Variants in PHLPP1 observed in about 807,000 individuals in gnomAD.
PHLPP1 encodes PH domain and leucine rich repeat protein phosphatase 1.
In PHLPP1, 42 loss-of-function variants were observed where a neutral mutation model predicts 117.2. The observed-to-expected ratio is 0.36, with a 90% confidence interval of 0.28 to 0.46. The LOEUF (loss-of-function observed/expected upper bound fraction) is 0.46. Among genes scored for constraint, PHLPP1 ranks in the 20% least tolerant of loss-of-function variants. The probability of loss-of-function intolerance (pLI) is 1.00; values close to 1 mark genes in which losing one functional copy is unlikely to be tolerated. For synonymous variants in PHLPP1, 1,042 were observed against 970.7 expected (o/e 1.07, Z -1.37); for missense variants, 2,084 against 2,241.9 (o/e 0.93, Z 1.42).
At chr18:62,913,240 G>A (rs1397617329) in intron 8 of PHLPP1, among the ~76,000 whole-genome samples, 4 of 151,702 alleles carry the variant, frequency 2.6e-5, no homozygotes, top group Admixed American at 6.6e-5. Context: ...TGTTGGGGTT[G>A]TTTTTACTAA....
chr18:62,907,533 A>T, intron 8 of PHLPP1, among the ~76,000 whole-genome samples: 1 of 136,152 alleles, frequency 7.3e-6, no homozygotes, highest in Non-Finnish European at 1.6e-5. Flanking sequence ...AGCCGATGCG[A>T]TCAACTGGAA....
intron 2 of PHLPP1, among the ~76,000 whole-genome samples, chr18:62,833,317 G>A (rs570674270): frequency 5.9e-5 from 9 of 152,142 alleles, no homozygotes; most frequent in African/African-American, 1.4e-4. Flanking sequence ...CAAGTGATCC[G>A]CCTGCTTCGG....
At chr18:62,757,120 A>G (rs1208192669) in intron 1 of PHLPP1, among the ~76,000 whole-genome samples, 1 of 152,224 alleles carries the variant, frequency 6.6e-6, no homozygotes, top group Non-Finnish European at 1.5e-5. Context: ...AGACGTCAAC[A>G]TTGTATGCAA....
intron 1 of PHLPP1, chr18:62,825,429 ATAT>A (rs1914584146): frequency 6.8e-6 from 1 of 147,436 alleles, no homozygotes; most frequent in African/African-American, 2.5e-5. Flanking sequence ...ATTTTATTAC[ATAT>A]TATATTTATT....
rs1407680665 is a variant in PHLPP1, at chr18:62,978,301, CT to C, written c.4025del (p.Leu1342ArgfsTer21). 1 of 1,612,088 alleles carries C rather than the reference CT, an allele frequency of 6.2e-7. No individual in the cohort carries two copies. Among genetic ancestry groups the C allele is most frequent in the Non-Finnish European group, 8.5e-7 (1 of 1,178,690 alleles). On this transcript the variant is annotated frameshift_variant, in exon 17 of 17. Coordinates refer to ENST00000262719, the MANE Select transcript of PHLPP1 (RefSeq NM_194449.4). LOFTEE classifies it low-confidence loss of function (END_TRUNC). This position sits in a 1 kb window ranked among gnomAD's most constrained non-coding sequence, Gnocchi z 7.0. The stretch of plus-strand genomic sequence containing the variant: ...CGGAGTGACTGAGTCCACGCGCATC[CT>C]GGGCTACACCTTCCTCCATCCCAGT... ...VNGVTESTRI[L>X]GYTFLHPSVV...
At chr18:62,804,422 C>T (rs1387560765) in intron 1 of PHLPP1, among the ~76,000 whole-genome samples, 2 of 151,780 alleles carry the variant, frequency 1.3e-5, no homozygotes, top group African/African-American at 4.8e-5. Context: ...TTTTCAAAAA[C>T]TAATTTGGGC....
intron 3 of PHLPP1, among the ~76,000 whole-genome samples, chr18:62,858,321 G>A (rs1235104148): frequency 6.7e-6 from 1 of 149,316 alleles, no homozygotes; most frequent in Non-Finnish European, 1.5e-5. Context: ...GGACTGCAAT[G>A]GCACGATCTC....
At chr18:62,932,733 C>T (rs571433735) in intron 10 of PHLPP1, among the ~76,000 whole-genome samples, 1 of 152,278 alleles carries the variant, frequency 6.6e-6, no homozygotes, top group East Asian at 1.9e-4. Context: ...TCTCACCACT[C>T]CTATTGAACA....
chr18:62,952,899 G>A (rs555072198), intron 12 of PHLPP1, among the ~76,000 whole-genome samples: 2 of 152,286 alleles, frequency 1.3e-5, no homozygotes, highest in South Asian at 4.1e-4. Context: ...TGGAATTACA[G>A]ACGTGAGCCA....
chr18:62,886,621 T>C (rs1321335879), intron 4 of PHLPP1, among the ~76,000 whole-genome samples: 1 of 152,196 alleles, frequency 6.6e-6, no homozygotes, highest in Non-Finnish European at 1.5e-5. Flanking sequence ...TGAAGGAGAC[T>C]TCAGGTTTGT....
intron 1 of PHLPP1, among the ~76,000 whole-genome samples, chr18:62,783,145 A>G (rs1913166806): frequency 7.3e-6 from 1 of 136,878 alleles, no homozygotes; most frequent in Non-Finnish European, 1.5e-5. Flanking sequence ...TTGTTTTCAG[A>G]GTTTTAAAAA....
chr18:62,918,325 C>A (rs1909361809), intron 9 of PHLPP1, among the ~76,000 whole-genome samples: 2 of 150,506 alleles, frequency 1.3e-5, no homozygotes, highest in South Asian at 2.1e-4. Flanking sequence ...GAACTAAACC[C>A]AATAATTAGC....
At chr18:62,867,585 GAA>G (rs1204012244) in intron 4 of PHLPP1, among the ~76,000 whole-genome samples, 2 of 152,076 alleles carry the variant, frequency 1.3e-5, no homozygotes, top group Non-Finnish European at 2.9e-5. Context: ...CTTTCTGACG[GAA>G]TTCTTATATT....
chr18:62,804,546 C>T (rs1233996438), intron 1 of PHLPP1, among the ~76,000 whole-genome samples: 1 of 151,924 alleles, frequency 6.6e-6, no homozygotes, highest in Non-Finnish European at 1.5e-5. Flanking sequence ...CATGCCACTG[C>T]ACTTCAGCCT....
intron 12 of PHLPP1, among the ~76,000 whole-genome samples, chr18:62,954,157 GTTCC>G (rs1568173148): frequency 1.3e-5 from 2 of 152,120 alleles, no homozygotes; most frequent in African/African-American, 2.4e-5. Context: ...TAAATCAAGA[GTTCC>G]TTCTCAGCTA....
At chr18:62,890,913 G>A (rs912626084) in intron 4 of PHLPP1, among the ~76,000 whole-genome samples, 4 of 152,052 alleles carry the variant, frequency 2.6e-5, no homozygotes, top group Non-Finnish European at 5.9e-5. Flanking sequence ...CTCAAATGGG[G>A]AAAAATATCT....
intron 1 of PHLPP1, among the ~76,000 whole-genome samples, chr18:62,761,182 T>A (rs1257620316): frequency 1.3e-5 from 2 of 152,134 alleles, no homozygotes; most frequent in South Asian, 2.1e-4. Context: ...GCATTTTTAA[T>A]AACAATGCTG....
Position 62,769,028 on chromosome 18 carries a change from A to G in PHLPP1, c.1576+51769A>G, listed in dbSNP as rs1306600599. Among the ~76,000 whole-genome samples the G allele has an allele frequency of 2.6e-5, 4 of 152,342 alleles. No homozygotes were observed. The East Asian group carries it at 5.8e-4, about 22-fold the overall frequency. ...TTAGAAATAAACTATTGAAAGTTTA[A>G]TATATCATCTATAAATGATTGCTAA... On this transcript the variant is annotated intron_variant, in intron 1 of 16. Transcript: ENST00000262719.
chr18:62,896,819 A>G (rs1916575743), intron 6 of PHLPP1, among the ~76,000 whole-genome samples: 1 of 152,108 alleles, frequency 6.6e-6, no homozygotes, highest in Admixed American at 6.5e-5. Context: ...TAGGAAACCT[A>G]TACATTCCAG....
Sources: allele counts gnomAD v4.1 joint callset (sites outside exome capture counted in the v4.1 genomes callset), GRCh38; gene constraint gnomAD v4.1.1; non-coding constraint Gnocchi (gnomAD v3.1); transcripts MANE v1.5; gene names NCBI Gene and HGNC (gene_info 2026-07-23, HGNC 2026-07-21).